The following LIPH variants were observed in gnomAD, a reference collection of about 807,000 sequenced individuals.
LIPH encodes the protein lipase H.
In LIPH, 32 loss-of-function variants were observed where a neutral mutation model predicts 47.6. That is an observed-to-expected ratio of 0.67 (90% CI 0.51 to 0.90). The LOEUF (loss-of-function observed/expected upper bound fraction) is 0.90, where lower values mean the gene tolerates loss of function less well. Ranked by LOEUF, LIPH falls within the 40% of genes least tolerant of loss-of-function variation. The probability of loss-of-function intolerance (pLI) is 0.00; values close to 1 mark genes in which losing one functional copy is unlikely to be tolerated. For synonymous variants in LIPH, 190 were observed against 195.6 expected, an observed-to-expected ratio of 0.97 and a Z score of 0.24; for missense variants, 497 against 541.4, an observed-to-expected ratio of 0.92 and a Z score of 0.81.
chr3:185,538,456 G>A (rs1203782758), intron 1 of LIPH, among the ~76,000 whole-genome samples: 2 of 152,122 alleles, frequency 1.3e-5, no homozygotes, highest in African/African-American at 2.4e-5. Context: ...TGGGGATCAG[G>A]AATCTTCTTT....
At chr3:185,525,035 C>T (rs776999043) in intron 4 of LIPH, among the ~76,000 whole-genome samples, 16 of 150,608 alleles carry the variant, frequency 1.1e-4, no homozygotes, top group Non-Finnish European at 2.1e-4. Flanking sequence ...GGCAAAATGG[C>T]GAAACCCCGT....
chr3:185,547,657 T>C (rs1422353464), intron 1 of LIPH, among the ~76,000 whole-genome samples: 1 of 151,968 alleles, frequency 6.6e-6, no homozygotes, highest in East Asian at 1.9e-4. Flanking sequence ...ACCCCGTCTC[T>C]ACTAAAAATA....
chr3:185,529,987 AG>A (rs1720282149), intron 3 of LIPH, among the ~76,000 whole-genome samples: 4 of 149,388 alleles, frequency 2.7e-5, no homozygotes, highest in African/African-American at 5.0e-5. Flanking sequence ...AGAGAGAGAG[AG>A]AGAAAATAAG....
intron 2 of LIPH, 65 bp from the exon 3 acceptor site, chr3:185,533,744 T>C: frequency 9.3e-7 from 1 of 1,077,174 alleles, no homozygotes; most frequent in Admixed American, 1.7e-5. Context: ...TTTGTAGAAA[T>C]TTCCTGGCTG....
In LIPH at chr3:185,533,646, T is replaced by C. The variant is rs1159862921; in HGVS notation, c.451A>G (p.Ile151Val). 1.7e-5 allele frequency: 27 copies of C among 1,613,798 alleles called. No homozygotes were observed. Among genetic ancestry groups the C allele is most frequent in the Admixed American group, 3.3e-5 (2 of 59,996 alleles). The change falls in exon 3 of 10, where the codon ATC becomes GTC. Residue 151 changes from isoleucine (I) to valine (V), a missense_variant. Ile to Val is a conservative substitution (Grantham distance 29). Coordinates refer to ENST00000296252, the MANE Select transcript of LIPH (RefSeq NM_139248.3). Reference sequence around the variant, plus strand: ...ATGTGGGCTCCTAGACTTACTCCGATCATGTAAATGTCATCAAGAGAAGCT... The same window carrying C: ...ATGTGGGCTCCTAGACTTACTCCGACCATGTAAATGTCATCAAGAGAAGCT... The part of the protein sequence containing the change: ...EGASLDDIYM[I>V]GVSLGAHISG...
At chr3:185,520,008 C>T (rs889003665) in intron 5 of LIPH, among the ~76,000 whole-genome samples, 1 of 151,986 alleles carries the variant, frequency 6.6e-6, no homozygotes, top group African/African-American at 2.4e-5. Flanking sequence ...TCAGAGGAGG[C>T]GCAGGCATCA....
At chr3:185,528,552 C>T (rs554858376) in intron 3 of LIPH, among the ~76,000 whole-genome samples, 1 of 152,128 alleles carries the variant, frequency 6.6e-6, no homozygotes, top group Non-Finnish European at 1.5e-5. Flanking sequence ...TCAGGAAGAT[C>T]AAGAGCCTTG....
Position 185,541,953 on chromosome 3 carries a change from C to T in LIPH, c.50-6821G>A, listed in dbSNP as rs1452127555. Among the ~76,000 whole-genome samples, 4 of 150,682 alleles carry T rather than the reference C, an allele frequency of 2.7e-5. No homozygotes were observed. The East Asian group carries it at 6.0e-4, about 23-fold the overall frequency. ...TGTATTTTTAGTAGAGACAGGTTTT[C>T]GCCATGTTGGCCAGGCTGGTCTCGA... On this transcript the variant is annotated intron_variant, in intron 1 of 9. Coordinates refer to ENST00000296252, the MANE Select transcript of LIPH (RefSeq NM_139248.3).
At chr3:185,509,524 G>A (rs552939477) in intron 9 of LIPH, among the ~76,000 whole-genome samples, 10 of 151,352 alleles carry the variant, frequency 6.6e-5, no homozygotes, top group South Asian at 6.3e-4. Flanking sequence ...CAGCTACTTC[G>A]GAGGCTGAAG....
intron 4 of LIPH, 45 bp from the exon 5 acceptor site, chr3:185,524,205 C>T: frequency 8.8e-7 from 1 of 1,141,028 alleles, no homozygotes; most frequent in Non-Finnish European, 1.3e-6. Flanking sequence ...TGAATTTTTC[C>T]TATCTCACAG....
At chr3:185,546,814 A>T (rs1720886951) in intron 1 of LIPH, 2 of 385,724 alleles carry the variant, frequency 5.2e-6, no homozygotes, top group African/African-American at 4.3e-5. Flanking sequence ...AAAAACAAAC[A>T]AAAAACAAAA....
At chr3:185,521,056 C>T (rs1253859259) in intron 5 of LIPH, among the ~76,000 whole-genome samples, 1 of 152,000 alleles carries the variant, frequency 6.6e-6, no homozygotes, top group East Asian at 1.9e-4. Context: ...TTAGTAGATA[C>T]AGGGTTTCAC....
chr3:185,538,866 T>C (rs1018332601), intron 1 of LIPH, among the ~76,000 whole-genome samples: 8 of 145,866 alleles, frequency 5.5e-5, no homozygotes, highest in African/African-American at 1.3e-4. Flanking sequence ...CATATATACA[T>C]ATATACACAT....
Position 185,534,888 on chromosome 3 carries a change from A to C in LIPH, c.294T>G (p.Val98=), listed in dbSNP as rs564760046. ...MDDLVKGLLS[V]EDMNVVVVDW... is the part of the protein sequence containing the mutation. The stretch of plus-strand genomic sequence containing the variant: ...CAACAACAACTACGTTCATGTCTTC[A>C]ACAGAGAGCAAACCCTTTACTAAGT... Residue 98 remains valine (V), a synonymous_variant, in exon 2 of 10, where the codon GTT becomes GTG. Coordinates refer to ENST00000296252, the MANE Select transcript of LIPH (RefSeq NM_139248.3). 6.1e-5 allele frequency: 99 copies of C among 1,614,238 alleles called. 2 individuals carry two copies. In the South Asian group the frequency reaches 1.1e-3, roughly 18 times the overall value.
At chr3:185,543,200 C>A (rs1167397767) in intron 1 of LIPH, among the ~76,000 whole-genome samples, 2 of 152,044 alleles carry the variant, frequency 1.3e-5, no homozygotes, top group African/African-American at 4.8e-5. Context: ...CAGAGCAAGA[C>A]TCCATCTCAA....
intron 3 of LIPH, among the ~76,000 whole-genome samples, chr3:185,531,567 A>T (rs1046864042): frequency 3.8e-4 from 58 of 151,118 alleles, no homozygotes; most frequent in Admixed American, 1.8e-3. Flanking sequence ...AAAAAAAAAA[A>T]AAAAAAGAAG....
chr3:185,525,070 C>A (rs1173182490), intron 4 of LIPH, among the ~76,000 whole-genome samples: 3 of 151,872 alleles, frequency 2.0e-5, no homozygotes, highest in Admixed American at 1.3e-4. Context: ...CAAAAATTAG[C>A]CAGGCATTGT....
chr3:185,508,741 TG>T lies in LIPH; in HGVS notation c.*48del. ...TGAGGTGAAGCTTTCAAACAGCCTG[TG>T]GTTGTAGCTTTCTTTCTATTATTTA... On this transcript the variant is annotated 3_prime_UTR_variant, in exon 10 of 10. Coordinates refer to ENST00000296252, the MANE Select transcript of LIPH (RefSeq NM_139248.3). 1 of 1,308,418 alleles carries T rather than the reference TG, an allele frequency of 7.6e-7. No individual in the cohort carries two copies. Among genetic ancestry groups the T allele is most frequent in the Non-Finnish European group, 1.1e-6 (1 of 901,358 alleles). The allele number at this position is 1,308,418 out of a possible 1,614,324, so 81.1% of individuals were successfully genotyped here.
intron 1 of LIPH, among the ~76,000 whole-genome samples, chr3:185,541,394 CTTT>C (rs11349854): frequency 1.9e-4 from 25 of 130,796 alleles, no homozygotes; most frequent in Non-Finnish European, 2.7e-4. Flanking sequence ...ATCTTTCTTT[CTTT>C]TTTTTTTTTT....
Sources: gnomAD v4.1 joint callset for allele counts (sites outside exome capture counted in the v4.1 genomes callset) on GRCh38, gnomAD v4.1.1 for gene constraint, MANE v1.5 for transcripts, NCBI Gene and HGNC (gene_info 2026-07-23, HGNC 2026-07-21) for gene names.